Variants in MYO18B observed in about 807,000 individuals in gnomAD.
MYO18B encodes the protein myosin XVIIIB.
Under a neutral mutation model 273.0 loss-of-function variants are expected in MYO18B, and 204 were observed. That is an observed-to-expected ratio of 0.75 (90% confidence interval 0.67 to 0.84). MYO18B has a LOEUF of 0.84. Ranked by LOEUF, MYO18B falls within the 40% of genes least tolerant of loss-of-function variation. The pLI is 0.00. For missense variants in MYO18B, 3,212 were observed against 3,287.6 expected (o/e 0.98, Z 0.56); for synonymous variants, 1,330 against 1,305.7 (o/e 1.02, Z -0.40).
the MYO18B span, among the ~76,000 whole-genome samples, chr22:26,045,264 C>T: frequency 3.7e-4 from 56 of 151,968 alleles, no homozygotes; most frequent in Non-Finnish European, 6.5e-4. Context: ...ATATCCTAGC[C>T]AAGGCCATTC....
intron 12 of MYO18B, among the ~76,000 whole-genome samples, chr22:25,804,046 T>C (rs1042845470): frequency 2.6e-5 from 4 of 151,722 alleles, no homozygotes; most frequent in African/African-American, 9.7e-5. Flanking sequence ...GGGAATCTTC[T>C]GTATTCGTGA....
chr22:25,968,856 G>A (rs1302247416), intron 39 of MYO18B, among the ~76,000 whole-genome samples: 1 of 152,174 alleles, frequency 6.6e-6, no homozygotes, highest in Non-Finnish European at 1.5e-5. Context: ...CAAGCCCAGA[G>A]CTGGTTGGTC....
At chr22:25,831,661 G>C (rs554137039) in intron 15 of MYO18B, among the ~76,000 whole-genome samples, 1 of 152,270 alleles carries the variant, frequency 6.6e-6, no homozygotes, top group South Asian at 2.1e-4. Flanking sequence ...TGGATTACAG[G>C]CATGAGCCAC....
At chr22:25,917,788 A>G (rs775920947) in intron 33 of MYO18B, among the ~76,000 whole-genome samples, 44 of 152,048 alleles carry the variant, frequency 2.9e-4, no homozygotes, top group Admixed American at 4.6e-4. Flanking sequence ...GATGTTTTCT[A>G]TGTTCTCTTT....
chr22:25,871,076 G>A (rs1569133765), intron 22 of MYO18B, among the ~76,000 whole-genome samples: 1 of 152,122 alleles, frequency 6.6e-6, no homozygotes, highest in East Asian at 1.9e-4. Context: ...GCCAGGCTGG[G>A]GGATACTGAG....
chr22:25,911,056 G>A lies in MYO18B; in HGVS notation c.5364+6G>A, dbSNP rs1273852432. The A allele has an allele frequency of 6.3e-7, 1 of 1,592,538 alleles. No individual in the cohort carries two copies. Among genetic ancestry groups the A allele is most frequent in the Non-Finnish European group, 8.6e-7 (1 of 1,167,772 alleles). The stretch of plus-strand genomic sequence containing the variant: ...TCGGAACCCTCTGTGACCAGGTAAG[G>A]GGGAGACATTGGCAGACATTCAGAG... On this transcript the variant is annotated splice_donor_region_variant and intron_variant, in intron 33 of 43. Coordinates refer to ENST00000335473, the MANE Select transcript of MYO18B (RefSeq NM_032608.7).
At chr22:25,881,325 T>TG (rs1442701871) in intron 25 of MYO18B, among the ~76,000 whole-genome samples, 2 of 152,230 alleles carry the variant, frequency 1.3e-5, no homozygotes, top group African/African-American at 4.8e-5. Context: ...GAGGCTGGGC[T>TG]GAGATACACC....
In MYO18B at chr22:25,982,994, C is replaced by T. The variant is rs1041105997; in HGVS notation, c.6157-9369C>T. 2.6e-5 allele frequency among the ~76,000 whole-genome samples: 4 copies of T among 152,242 alleles called. No individual in the cohort carries two copies. The South Asian group carries it at 6.2e-4, about 24-fold the overall frequency. On this transcript the variant is annotated intron_variant, in intron 39 of 43. Transcript: ENST00000335473. ...TAGATATTTCAAAACTCTAAGTGTTCGGGTAACCTAGTATACAGCAATACA... is the reference window on the plus strand; with the variant it reads ...TAGATATTTCAAAACTCTAAGTGTTTGGGTAACCTAGTATACAGCAATACA...
In MYO18B at chr22:25,769,440, G is replaced by A. The variant is rs187184450; in HGVS notation, c.1512+12G>A. The A allele has an allele frequency of 6.5e-4, 978 of 1,505,404 alleles. 8 individuals carry two copies. The highest frequency in any genetic ancestry group is 4.9e-5 in the Non-Finnish European group (55 of 1,127,012). 93.3% of individuals were successfully genotyped at this position (1,505,404 alleles called of 1,614,324 possible). A position where few individuals can be genotyped will look rare whatever the true frequency, so the allele number is the denominator to read the frequency against. ...GAGACTCAGACCAGGTGAGGGGGCTGCGGCCCTGGGAGCGGGAAGCGGCAG... is the reference window on the plus strand; with the variant it reads ...GAGACTCAGACCAGGTGAGGGGGCTACGGCCCTGGGAGCGGGAAGCGGCAG... On this transcript the variant is annotated intron_variant, in intron 4 of 43. Transcript: ENST00000335473.
chr22:25,753,114 C>T (rs1419617123), intron 1 of MYO18B, among the ~76,000 whole-genome samples: 5 of 152,232 alleles, frequency 3.3e-5, no homozygotes, highest in African/African-American at 1.2e-4. Context: ...GCGGCCAGAG[C>T]CTCCACGGCA....
the MYO18B span, among the ~76,000 whole-genome samples, chr22:26,055,015 T>C: frequency 1.3e-5 from 2 of 152,144 alleles, no homozygotes; most frequent in Non-Finnish European, 2.9e-5. Flanking sequence ...CCACCTGTCT[T>C]CTTAGACAGC....
chr22:25,770,948 A>C lies in MYO18B; in HGVS notation c.1656A>C (p.Lys552Asn). ...GRVRLWIDADKTITEVDEEHV... is the reference protein window; with the variant it reads ...GRVRLWIDADNTITEVDEEHV... ...TGAGACTTTGGATTGATGCTGACAA[A>C]ACCATCACTGAGGTGGATGAGGAGC... The change falls in exon 6 of 44, where the codon AAA (lysine) becomes AAC (asparagine). Residue 552 changes from lysine (K) to asparagine (N), a missense_variant. Coordinates refer to ENST00000335473, the MANE Select transcript of MYO18B (RefSeq NM_032608.7). 1.3e-6 allele frequency: 2 copies of C among 1,552,198 alleles called. No homozygotes were observed. Among genetic ancestry groups the C allele is most frequent in the Non-Finnish European group, 1.7e-6 (2 of 1,147,202 alleles).
At chr22:26,007,425 A>G (rs1211162465) in intron 42 of MYO18B, among the ~76,000 whole-genome samples, 1 of 152,172 alleles carries the variant, frequency 6.6e-6, no homozygotes, top group Non-Finnish European at 1.5e-5. Context: ...TTTATTTGCC[A>G]TGCTACCACA....
intron 1 of MYO18B, among the ~76,000 whole-genome samples, chr22:25,749,962 A>G (rs1601586037): frequency 1.3e-5 from 2 of 152,220 alleles, no homozygotes; most frequent in East Asian, 3.8e-4. Flanking sequence ...ATGCCCATTC[A>G]TTTACGTACT....
intron 17 of MYO18B, among the ~76,000 whole-genome samples, chr22:25,842,816 G>A (rs2090124495): frequency 6.6e-6 from 1 of 152,034 alleles, no homozygotes. Flanking sequence ...ATTAATCCAT[G>A]CATTCATTTT....
Position 26,026,666 on chromosome 22 carries a change from G to C in MYO18B, c.6692G>C (p.Arg2231Pro). ...LEPASSPLAS[R>P]STNTSPLSRE... ...CCTGCTTCCTCTCCCCTGGCTTCTC[G>C]GAGTACAAATACATCCCCGCTGTCG... Residue 2231 changes from arginine to proline, a missense_variant, in exon 43 of 44, where the codon CGG becomes CCG. Physicochemically the swap from Arg to Pro is moderately radical, Grantham distance 103. Transcript: ENST00000335473. 1 of 1,613,788 alleles carries C rather than the reference G, an allele frequency of 6.2e-7. No homozygotes were observed. Among genetic ancestry groups the C allele is most frequent in the Non-Finnish European group, 8.5e-7 (1 of 1,179,862 alleles).
At chr22:25,792,765 A>G (rs1034256683) in intron 11 of MYO18B, among the ~76,000 whole-genome samples, 11 of 152,142 alleles carry the variant, frequency 7.2e-5, no homozygotes, top group African/African-American at 2.7e-4. Flanking sequence ...TGCTGGGATT[A>G]CAGGCGTGAG....
At chr22:25,818,315 C>G (rs2089127720) in intron 12 of MYO18B, among the ~76,000 whole-genome samples, 1 of 152,156 alleles carries the variant, frequency 6.6e-6, no homozygotes, top group African/African-American at 2.4e-5. Context: ...TATCTTGTAT[C>G]CCATCTTCCC....
chr22:25,869,336 GCTA>G (rs1174295824), intron 22 of MYO18B, among the ~76,000 whole-genome samples: 1 of 151,264 alleles, frequency 6.6e-6, no homozygotes, highest in Non-Finnish European at 1.5e-5. Flanking sequence ...TGTAATCCCA[GCTA>G]CTTGGGAGGC....
Sources: gnomAD v4.1 joint callset for allele counts (sites outside exome capture counted in the v4.1 genomes callset) on GRCh38, gnomAD v4.1.1 for gene constraint, MANE v1.5 for transcripts, NCBI Gene and HGNC (gene_info 2026-07-23, HGNC 2026-07-21) for gene names.